The following ATXN7 variants were observed in gnomAD, a reference collection of about 807,000 sequenced individuals.
ATXN7 encodes ataxin-7.
A neutral mutation model predicts 70.5 loss-of-function variants in ATXN7; 12 were observed. The observed-to-expected ratio is 0.17, with a 90% CI of 0.11 to 0.28. The LOEUF (loss-of-function observed/expected upper bound fraction) is 0.28. Among genes scored for constraint, ATXN7 ranks in the 10% least tolerant of loss-of-function variants. The pLI, the probability that ATXN7 is intolerant of heterozygous loss-of-function variation, is 1.00. For synonymous variants in ATXN7, 498 were observed against 448.7 expected (o/e 1.11, Z -1.39); for missense variants, 1,256 against 1,131.7 (o/e 1.11, Z -1.58).
At chr3:63,942,999 T>A (rs547686975) in intron 4 of ATXN7, among the ~76,000 whole-genome samples, 5 of 152,360 alleles carry the variant, frequency 3.3e-5, no homozygotes, top group African/African-American at 1.2e-4. Flanking sequence ...TGCTATGTAC[T>A]TGTGGCCCCT....
chr3:63,989,109 G>C (rs1420798766), intron 9 of ATXN7, among the ~76,000 whole-genome samples: 2 of 152,210 alleles, frequency 1.3e-5, no homozygotes, highest in African/African-American at 4.8e-5. Context: ...AAAGGTGGAA[G>C]CATCTCCCTC....
At chr3:63,980,253 A>G (rs1003409965) in intron 6 of ATXN7, 86 bp downstream of exon 6, 1 of 1,507,802 alleles carries the variant, frequency 6.6e-7, no homozygotes, top group Admixed American at 1.9e-5. Flanking sequence ...GCCTGTGAGT[A>G]ATATAAAAGA....
At chr3:63,929,002 G>A (rs775282721) in intron 4 of ATXN7, among the ~76,000 whole-genome samples, 1 of 152,122 alleles carries the variant, frequency 6.6e-6, no homozygotes, top group Admixed American at 6.5e-5. Flanking sequence ...TCCACATAAG[G>A]GTTCATCTAA....
chr3:63,896,879 C>T (rs1398961552), intron 1 of ATXN7, among the ~76,000 whole-genome samples: 1 of 152,094 alleles, frequency 6.6e-6, no homozygotes, highest in African/African-American at 2.4e-5. Flanking sequence ...TGATGACTTC[C>T]TTGGATACTT....
intron 5 of ATXN7, among the ~76,000 whole-genome samples, chr3:63,975,106 G>A (rs754599385): frequency 1.4e-4 from 22 of 152,246 alleles, no homozygotes; most frequent in Non-Finnish European, 2.9e-4. Flanking sequence ...CAACATGTTC[G>A]AATTGTTTCT....
chr3:63,956,741 A>G (rs1575948980), intron 5 of ATXN7, among the ~76,000 whole-genome samples: 1 of 152,342 alleles, frequency 6.6e-6, no homozygotes, highest in African/African-American at 2.4e-5. Flanking sequence ...TGGGAGACAT[A>G]CAATGACTGA....
intron 9 of ATXN7, among the ~76,000 whole-genome samples, chr3:63,989,642 G>A (rs1476458347): frequency 6.6e-6 from 1 of 151,700 alleles, no homozygotes; most frequent in African/African-American, 2.4e-5. Context: ...AAATAATCTA[G>A]AGATTATTTA....
At chr3:63,881,536 T>C (rs1702911440) in intron 1 of ATXN7, among the ~76,000 whole-genome samples, 1 of 150,106 alleles carries the variant, frequency 6.7e-6, no homozygotes, top group African/African-American at 2.5e-5. Context: ...TCGCCTGGGC[T>C]GGTGTGCAGT....
At chr3:63,879,942 C>T (rs1054664964) in intron 1 of ATXN7, among the ~76,000 whole-genome samples, 3 of 151,468 alleles carry the variant, frequency 2.0e-5, no homozygotes, top group Admixed American at 6.6e-5. Flanking sequence ...AAAAATTAGC[C>T]GGGTGTGGTG....
At chr3:63,875,408 G>A (rs1702722438) in intron 1 of ATXN7, among the ~76,000 whole-genome samples, 1 of 152,126 alleles carries the variant, frequency 6.6e-6, no homozygotes. Flanking sequence ...TTCAACATGT[G>A]AATTTGGGAG....
chr3:63,982,066 G>A lies in ATXN7; in HGVS notation c.753-120G>A, dbSNP rs1049666945. On this transcript the variant is annotated intron_variant, in intron 6 of 12. Transcript: ENST00000674280. Reference sequence around the variant, plus strand: ...AAAACTCATAAGGAGCCTTCCAAGAGGCTGGCCCTGTGCAGCGCTTGGGTA... The same window carrying A: ...AAAACTCATAAGGAGCCTTCCAAGAAGCTGGCCCTGTGCAGCGCTTGGGTA... 20 of 1,320,800 alleles carry A rather than the reference G, an allele frequency of 1.5e-5. No individual in the cohort carries two copies. The African/African-American group carries it at 3.0e-4, about 20-fold the overall frequency. The allele number at this position is 1,320,800 out of a possible 1,614,324, so 81.8% of individuals were successfully genotyped here.
intron 1 of ATXN7, among the ~76,000 whole-genome samples, chr3:63,893,201 A>G (rs1703339354): frequency 6.6e-6 from 1 of 152,206 alleles, no homozygotes; most frequent in East Asian, 1.9e-4. Flanking sequence ...GTCAGCTACT[A>G]CTACTATTAT....
chr3:63,971,652 T>A (rs182480032), intron 5 of ATXN7, among the ~76,000 whole-genome samples: 1 of 152,262 alleles, frequency 6.6e-6, no homozygotes, highest in East Asian at 1.9e-4. Context: ...TATTTTTTAA[T>A]ATTCGTGAGA....
chr3:63,931,423 A>G (rs1257771133), intron 4 of ATXN7, among the ~76,000 whole-genome samples: 4 of 152,120 alleles, frequency 2.6e-5, no homozygotes, highest in Non-Finnish European at 5.9e-5. Flanking sequence ...TGTGGAATCT[A>G]TGCTTATAGT....
intron 1 of ATXN7, among the ~76,000 whole-genome samples, chr3:63,895,951 G>A (rs1703432305): frequency 6.6e-6 from 1 of 152,042 alleles, no homozygotes; most frequent in Non-Finnish European, 1.5e-5. Flanking sequence ...GCACTTAGAG[G>A]TAGCTTGCAG....
intron 1 of ATXN7, among the ~76,000 whole-genome samples, chr3:63,887,786 C>T (rs1461207218): frequency 3.3e-5 from 5 of 151,796 alleles, no homozygotes; most frequent in African/African-American, 9.7e-5. Context: ...AGAGTTTCAC[C>T]ATGTTGCCCA....
At chr3:63,904,822 T>C (rs1703778659) in intron 2 of ATXN7, 1 of 152,222 alleles carries the variant, frequency 6.6e-6, no homozygotes, top group Non-Finnish European at 1.5e-5. Context: ...TTTTCCACAA[T>C]GGCTGCACTG....
chr3:64,000,016 G>A lies in ATXN7; in HGVS notation c.*549G>A, dbSNP rs1334276775. Reference sequence around the variant, plus strand: ...AGAAGGGAATTAGGCTTTAGATTTTGATAGCAATGTTCCAGGAATGAAATA... The same window carrying A: ...AGAAGGGAATTAGGCTTTAGATTTTAATAGCAATGTTCCAGGAATGAAATA... On this transcript the variant is annotated 3_prime_UTR_variant, in exon 13 of 13. Coordinates refer to ENST00000674280, the MANE Select transcript of ATXN7 (RefSeq NM_001377405.1). The A allele has an allele frequency of 1.3e-5, 2 of 154,130 alleles. No individual in the cohort carries two copies. Among genetic ancestry groups the A allele is most frequent in the Non-Finnish European group, 2.9e-5 (2 of 69,134 alleles). The allele number at this position is 154,130 out of a possible 1,614,324, so 9.5% of individuals were successfully genotyped here.
chr3:63,867,309 G>C (rs946108495), intron 1 of ATXN7, among the ~76,000 whole-genome samples: 3 of 152,118 alleles, frequency 2.0e-5, no homozygotes, highest in Non-Finnish European at 4.4e-5. Context: ...GAATAAAATG[G>C]AAGTTAGAAT....
Sources: allele counts gnomAD v4.1 joint callset (sites outside exome capture counted in the v4.1 genomes callset), GRCh38; gene constraint gnomAD v4.1.1; transcripts MANE v1.5; gene names NCBI Gene and HGNC (gene_info 2026-07-23, HGNC 2026-07-21).